Variants in CALCR observed in about 807,000 individuals in gnomAD.
CALCR encodes calcitonin receptor.
A neutral mutation model predicts 59.5 loss-of-function variants in CALCR; 47 were observed. The observed-to-expected ratio is 0.79, with a 90% CI of 0.63 to 1.01. CALCR has a LOEUF of 1.01. CALCR is among the 50% of genes least tolerant of loss of function. CALCR has a pLI of 0.00. For synonymous variants in CALCR, 213 were observed against 211.3 expected, an observed-to-expected ratio of 1.01 and a Z score of -0.07; for missense variants, 566 against 597.1, an observed-to-expected ratio of 0.95 and a Z score of 0.54.
chr7:93,472,246 G>T, intron 6 of CALCR, 129 bp downstream of exon 6: 1 of 612,784 alleles, frequency 1.6e-6, no homozygotes. Flanking sequence ...GAACTTACCA[G>T]TTATCATATG....
At position 93,472,491 on chromosome 7, in the gene CALCR, T is replaced by C. The variant is rs755952334; in HGVS notation, c.317-4A>G. 8 of 1,502,926 alleles carry C rather than the reference T, an allele frequency of 5.3e-6. No individual in the cohort carries two copies. The highest frequency in any genetic ancestry group is 6.5e-6 in the Non-Finnish European group (7 of 1,081,964). 93.1% of individuals were successfully genotyped at this position (1,502,926 alleles called of 1,614,324 possible). A position where few individuals can be genotyped will look rare whatever the true frequency, so the allele number is the denominator to read the frequency against. The stretch of plus-strand genomic sequence containing the variant: ...TCACAGTATTTTGTAACCTTTTCTG[T>C]TAATGAAACATAACAGTTATTGCAT... On this transcript the variant is annotated splice_polypyrimidine_tract_variant and splice_region_variant and intron_variant, in intron 5 of 13. Coordinates refer to ENST00000426151, the MANE Select transcript of CALCR (RefSeq NM_001742.4).
chr7:93,561,065 G>A (rs541551644), intron 2 of CALCR, among the ~76,000 whole-genome samples: 1 of 152,144 alleles, frequency 6.6e-6, no homozygotes, highest in East Asian at 1.9e-4. Context: ...TTCCTAAAAG[G>A]AAACTGAGGC....
chr7:93,537,016 A>G (rs1044893383), intron 2 of CALCR, among the ~76,000 whole-genome samples: 1 of 151,778 alleles, frequency 6.6e-6, no homozygotes, highest in South Asian at 2.1e-4. Context: ...AAAATTATAA[A>G]GAACATGGAT....
chr7:93,500,500 A>G (rs1230077214), intron 2 of CALCR, among the ~76,000 whole-genome samples: 1 of 151,988 alleles, frequency 6.6e-6, no homozygotes, highest in African/African-American at 2.4e-5. Context: ...CTGTTGTACC[A>G]ATACTTACTA....
chr7:93,429,041 C>T (rs889877172), intron 13 of CALCR, among the ~76,000 whole-genome samples: 5 of 152,158 alleles, frequency 3.3e-5, no homozygotes, highest in Non-Finnish European at 1.5e-5. Context: ...TGGGGCCAAA[C>T]GGTTTGATTT....
In CALCR at chr7:93,448,290, A is replaced by G. The variant is rs571558248; in HGVS notation, c.649-4533T>C. Among the ~76,000 whole-genome samples the G allele has an allele frequency of 1.1e-3, 170 of 152,140 alleles. 1 individual carries two copies. The highest frequency in any genetic ancestry group is 4.0e-3 in the African/African-American group (166 of 41,536). On this transcript the variant is annotated intron_variant, in intron 8 of 13. Coordinates refer to ENST00000426151, the MANE Select transcript of CALCR (RefSeq NM_001742.4). ...TTGATTTCATATGGTTAGGTACAAT[A>G]ACACATTAAGGAAAATTTTGTGAGA...
At chr7:93,542,567 T>G (rs1789172411) in intron 2 of CALCR, among the ~76,000 whole-genome samples, 1 of 152,112 alleles carries the variant, frequency 6.6e-6, no homozygotes, top group African/African-American at 2.4e-5. Flanking sequence ...TGAAAAAAAT[T>G]TTTCTTTCTC....
chr7:93,459,595 T>C (rs1325306734), intron 8 of CALCR, among the ~76,000 whole-genome samples: 3 of 152,094 alleles, frequency 2.0e-5, no homozygotes, highest in Non-Finnish European at 4.4e-5. Flanking sequence ...AGAAGAAATA[T>C]CCAGGGTATA....
chr7:93,546,819 C>T (rs528980959), intron 2 of CALCR, among the ~76,000 whole-genome samples: 4 of 152,120 alleles, frequency 2.6e-5, no homozygotes, highest in Admixed American at 2.6e-4. Context: ...CCTTGGCCTC[C>T]CAAAGTGCTG....
At chr7:93,495,508 G>A (rs973117238) in intron 2 of CALCR, among the ~76,000 whole-genome samples, 6 of 151,252 alleles carry the variant, frequency 4.0e-5, no homozygotes, top group Non-Finnish European at 7.4e-5. Flanking sequence ...TGCCCTACTC[G>A]CGGAGCCAAA....
At chr7:93,519,819 G>C (rs558880834) in intron 2 of CALCR, among the ~76,000 whole-genome samples, 1 of 151,784 alleles carries the variant, frequency 6.6e-6, no homozygotes, top group Non-Finnish European at 1.5e-5. Context: ...CCCTCTGCTC[G>C]CTCACTCTTC....
chr7:93,519,883 T>C (rs975360669), intron 2 of CALCR, among the ~76,000 whole-genome samples: 1 of 152,036 alleles, frequency 6.6e-6, no homozygotes, highest in Admixed American at 6.6e-5. Context: ...CCTTTGACTA[T>C]GAATGTAGGT....
chr7:93,456,757 T>C (rs966957387), intron 8 of CALCR, among the ~76,000 whole-genome samples: 1 of 152,150 alleles, frequency 6.6e-6, no homozygotes, highest in Non-Finnish European at 1.5e-5. Flanking sequence ...AAGAACCAGG[T>C]GCTAGTCATG....
intron 2 of CALCR, among the ~76,000 whole-genome samples, chr7:93,496,623 G>C (rs907374367): frequency 1.3e-5 from 2 of 151,452 alleles, no homozygotes; most frequent in African/African-American, 4.8e-5. Context: ...TATTCCTTTG[G>C]AGCAGTATTT....
chr7:93,468,029 C>A (rs1233313799), intron 7 of CALCR, among the ~76,000 whole-genome samples: 1 of 151,440 alleles, frequency 6.6e-6, no homozygotes, highest in Non-Finnish European at 1.5e-5. Context: ...GTTATGAGTG[C>A]TTTATTTTCA....
intron 2 of CALCR, among the ~76,000 whole-genome samples, chr7:93,562,018 A>C (rs1789762337): frequency 6.6e-6 from 1 of 152,110 alleles, no homozygotes; most frequent in South Asian, 2.1e-4. Context: ...ACAATAAATC[A>C]TGTAAGTCTC....
intron 5 of CALCR, among the ~76,000 whole-genome samples, chr7:93,475,141 G>A (rs1451925588): frequency 2.0e-5 from 3 of 151,618 alleles, no homozygotes; most frequent in Non-Finnish European, 4.4e-5. Context: ...ACCAAAACAG[G>A]TCTTATTGAA....
intron 8 of CALCR, 86 bp downstream of exon 8, chr7:93,460,735 T>C: frequency 9.8e-7 from 1 of 1,023,130 alleles, no homozygotes; most frequent in South Asian, 2.0e-5. Context: ...AACAGCTGCT[T>C]AAGTCCAACA....
chr7:93,465,697 C>T (rs1214874942), intron 7 of CALCR, among the ~76,000 whole-genome samples: 1 of 151,842 alleles, frequency 6.6e-6, no homozygotes, highest in Non-Finnish European at 1.5e-5. Context: ...AAACTGAAGA[C>T]TTTATGTACA....
Sources: gnomAD v4.1 joint callset for allele counts (sites outside exome capture counted in the v4.1 genomes callset) on GRCh38, gnomAD v4.1.1 for gene constraint, MANE v1.5 for transcripts, NCBI Gene and HGNC (gene_info 2026-07-23, HGNC 2026-07-21) for gene names.